Variants in SLC9A6 observed in about 807,000 individuals in gnomAD.
SLC9A6 encodes the protein solute carrier family 9 member A6.
A neutral mutation model predicts 45.3 loss-of-function variants in SLC9A6; 6 were observed. The ratio of observed to expected loss-of-function variants is 0.13; its 90% CI spans 0.07 to 0.26. The LOEUF is 0.26. Among genes scored for constraint, SLC9A6 ranks in the 10% least tolerant of loss-of-function variants. The pLI is 1.00. For synonymous variants in SLC9A6, 191 were observed against 187.7 expected (o/e 1.02, Z -0.14); for missense variants, 278 against 503.7 (o/e 0.55, Z 4.29).
intron 3 of SLC9A6, among the ~76,000 whole-genome samples, chrX:135,997,375 C>A (rs782518209): frequency 1.0e-5 from 1 of 100,015 alleles, no homozygotes; most frequent in Non-Finnish European, 2.0e-5. Context: ...TTATTTAAAG[C>A]GAAAGTAATG....
chrX:135,998,211 T>C (rs782527048), intron 4 of SLC9A6, 26 bp downstream of exon 4: 4 of 910,861 alleles, frequency 4.4e-6, no homozygotes, highest in Non-Finnish European at 6.4e-6. Context: ...TTTCATATAC[T>C]TTGAATAATC....
At position 135,989,988 on chromosome X, in the gene SLC9A6, T is replaced by C. The variant is rs890766599; in HGVS notation, c.169+4161T>C. On this transcript the variant is annotated intron_variant, in intron 2 of 17. Transcript: ENST00000630721. ...TCTCTTTGTGGTTGTGTTTTTTTTG[T>C]TTTTGTTTTTGTTTTGAGACGGAGT... Among the ~76,000 whole-genome samples the C allele has an allele frequency of 4.5e-5, 5 of 111,359 alleles. No homozygotes were observed. In the East Asian group the frequency reaches 1.4e-3, roughly 31 times the overall value.
chrX:136,027,806 A>T (rs1327736386), intron 13 of SLC9A6, among the ~76,000 whole-genome samples: 3 of 112,416 alleles, frequency 2.7e-5, no homozygotes. Flanking sequence ...AAAGCAAGGG[A>T]GTGACATGAA....
At chrX:136,041,335 C>T (rs782135231) in intron 17 of SLC9A6, among the ~76,000 whole-genome samples, 1 of 111,090 alleles carries the variant, frequency 9.0e-6, no homozygotes, top group Non-Finnish European at 1.9e-5. Context: ...TGTGAGTGAA[C>T]CTCATGTGAA....
intron 16 of SLC9A6, among the ~76,000 whole-genome samples, chrX:136,037,613 C>T (rs1465075958): frequency 2.7e-5 from 3 of 111,617 alleles, no homozygotes; most frequent in Non-Finnish European, 5.6e-5. Flanking sequence ...CTCTGTTGCC[C>T]AGGCAGGAGT....
At chrX:136,020,322 T>C in intron 11 of SLC9A6, among the ~76,000 whole-genome samples, 1 of 109,888 alleles carries the variant, frequency 9.1e-6, no homozygotes, top group South Asian at 3.8e-4. Context: ...TCTTCCTCAT[T>C]TATTGTTTTA....
chrX:136,000,372 C>T (rs1172884994), intron 6 of SLC9A6, among the ~76,000 whole-genome samples: 6 of 109,801 alleles, frequency 5.5e-5, no homozygotes, highest in African/African-American at 2.0e-4. Context: ...CCTTAAAGAC[C>T]ACCAAAGCTG....
chrX:135,999,016 GCAGT>G (rs2089544475), intron 6 of SLC9A6, 48 bp downstream of exon 6: 1 of 794,763 alleles, frequency 1.3e-6, no homozygotes, highest in African/African-American at 2.0e-5. Flanking sequence ...GCATTGTTTT[GCAGT>G]CAAATACATG....
intron 7 of SLC9A6, among the ~76,000 whole-genome samples, chrX:136,002,889 G>A (rs186498535): frequency 3.8e-4 from 42 of 110,080 alleles, no homozygotes; most frequent in African/African-American, 1.4e-3. Flanking sequence ...ATATATTCAC[G>A]TGGCTCATAA....
chrX:136,004,613 C>A (rs193130005), intron 7 of SLC9A6, among the ~76,000 whole-genome samples: 2 of 112,079 alleles, frequency 1.8e-5, no homozygotes, highest in East Asian at 5.6e-4. Context: ...TATTATTTCT[C>A]AGATGTAACA....
chrX:135,997,398 C>CTTTT (rs1180028983), intron 3 of SLC9A6, among the ~76,000 whole-genome samples: 10 of 63,300 alleles, frequency 1.6e-4, no homozygotes, highest in East Asian at 4.8e-4. Flanking sequence ...CATGCTTTCT[C>CTTTT]TTTTTTTTTT....
upstream of SLC9A6, chrX:135,985,263 T>G (rs182661396): frequency 1.4e-3 from 398 of 280,024 alleles, 3 homozygotes; most frequent in South Asian, 4.1e-3. Flanking sequence ...CCAAAGGCAG[T>G]GGGCTAGTTT....
intron 11 of SLC9A6, among the ~76,000 whole-genome samples, chrX:136,018,263 A>C (rs1603210971): frequency 8.9e-6 from 1 of 111,783 alleles, no homozygotes; most frequent in East Asian, 2.8e-4. Context: ...TGTTGTAGAG[A>C]GTGGGAGAAT....
chrX:135,994,087 T>C (rs2148142800), intron 2 of SLC9A6, among the ~76,000 whole-genome samples: 1 of 110,200 alleles, frequency 9.1e-6, no homozygotes, highest in South Asian at 3.9e-4. Flanking sequence ...AATTGATGAA[T>C]GGAGGTGAAA....
intron 11 of SLC9A6, among the ~76,000 whole-genome samples, chrX:136,020,173 C>G (rs182645867): frequency 2.8e-4 from 31 of 111,188 alleles, no homozygotes; most frequent in Admixed American, 2.8e-3. Flanking sequence ...CATTCCCCCC[C>G]CTTCCCCCGC....
At chrX:136,022,729 C>A in intron 12 of SLC9A6, 32 bp downstream of exon 12, 3 of 936,543 alleles carry the variant, frequency 3.2e-6, no homozygotes, top group Non-Finnish European at 4.6e-6. Context: ...TTGCCCACTT[C>A]AAGCAACCAT....
At chrX:135,994,153 G>A (rs1556616134) in intron 2 of SLC9A6, among the ~76,000 whole-genome samples, 2 of 106,892 alleles carry the variant, frequency 1.9e-5, no homozygotes. Flanking sequence ...TGCCCAGGCT[G>A]GAGTGAAGTG....
intron 3 of SLC9A6, 27 bp downstream of exon 3, chrX:135,995,012 T>A: frequency 9.6e-7 from 1 of 1,037,975 alleles, no homozygotes; most frequent in Non-Finnish European, 1.4e-6. Flanking sequence ...AATCTTTGAA[T>A]CTTTTTTGTG....
chrX:136,003,771 C>G (rs1039243520), intron 7 of SLC9A6, among the ~76,000 whole-genome samples: 1 of 112,067 alleles, frequency 8.9e-6, no homozygotes, highest in Admixed American at 9.5e-5. Context: ...CTCACAGTTT[C>G]GCCAGCAGAA....
Sources: allele counts gnomAD v4.1 joint callset (sites outside exome capture counted in the v4.1 genomes callset), GRCh38; gene constraint gnomAD v4.1.1; transcripts MANE v1.5; gene names NCBI Gene and HGNC (gene_info 2026-07-23, HGNC 2026-07-21).